Variants in IGSF11 observed in about 807,000 individuals in gnomAD.
The protein encoded by IGSF11 is CXADR like 1.
Under a neutral mutation model 41.0 loss-of-function variants are expected in IGSF11, and 22 were observed. That is an observed-to-expected ratio of 0.54 (90% CI 0.38 to 0.77). The LOEUF (loss-of-function observed/expected upper bound fraction) is 0.77. Ranked by LOEUF, IGSF11 falls within the 30% of genes least tolerant of loss-of-function variation. The pLI, the probability that IGSF11 is intolerant of heterozygous loss-of-function variation, is 0.00. For synonymous variants in IGSF11, 219 were observed against 201.3 expected (o/e 1.09, Z -0.74); for missense variants, 444 against 530.8 (o/e 0.84, Z 1.61).
upstream of IGSF11, among the ~76,000 whole-genome samples, chr3:119,036,344 G>A (rs972566640): frequency 6.6e-6 from 1 of 152,074 alleles, no homozygotes; most frequent in South Asian, 2.1e-4. Flanking sequence ...AAACTCCAGG[G>A]TAAGGACTAG....
intron 1 of IGSF11, among the ~76,000 whole-genome samples, chr3:118,996,821 G>A (rs1254432711): frequency 2.0e-5 from 3 of 151,890 alleles, no homozygotes; most frequent in South Asian, 2.1e-4. Context: ...GGGTGATCTC[G>A]ATCTCCTGAC....
intron 1 of IGSF11, among the ~76,000 whole-genome samples, chr3:119,082,211 A>G (rs774566476): frequency 3.3e-5 from 5 of 152,230 alleles, no homozygotes; most frequent in Non-Finnish European, 7.3e-5. Flanking sequence ...AATCAATACA[A>G]TAAGTTATAA....
At chr3:119,139,650 T>C (rs931672489) in intron 1 of IGSF11, among the ~76,000 whole-genome samples, 1 of 152,208 alleles carries the variant, frequency 6.6e-6, no homozygotes, top group African/African-American at 2.4e-5. Flanking sequence ...TAAACCTCTT[T>C]ATTTTGTAAA....
chr3:119,051,476 A>G (rs933370567), intron 1 of IGSF11, among the ~76,000 whole-genome samples: 4 of 152,192 alleles, frequency 2.6e-5, no homozygotes, highest in African/African-American at 4.8e-5. Flanking sequence ...CAAATTTATA[A>G]AACAATTACT....
chr3:118,956,696 C>T (rs766593452), intron 1 of IGSF11, among the ~76,000 whole-genome samples: 3 of 152,040 alleles, frequency 2.0e-5, no homozygotes, highest in Non-Finnish European at 4.4e-5. Context: ...TGCTACAAAG[C>T]TGCAGAGTTA....
At chr3:118,905,791 C>T (rs1436178414) in intron 4 of IGSF11, 73 bp from the exon 5 acceptor site, 6 of 1,546,872 alleles carry the variant, frequency 3.9e-6, no homozygotes, top group Non-Finnish European at 4.4e-6. Flanking sequence ...AGCGGAAGAC[C>T]ATAAAAACAG....
At chr3:119,065,291 G>A (rs2903298) in intron 1 of IGSF11, among the ~76,000 whole-genome samples, 133,514 of 152,272 alleles carry the variant, frequency 0.88, 58,700 homozygotes, top group African/African-American at 0.95. Context: ...TTTTCTTGAT[G>A]ATATATAGAT....
intron 1 of IGSF11, among the ~76,000 whole-genome samples, chr3:119,140,417 A>T (rs2077627984): frequency 6.6e-6 from 1 of 152,220 alleles, no homozygotes; most frequent in Non-Finnish European, 1.5e-5. Flanking sequence ...TATCAGGTAT[A>T]TATAATGATT....
At chr3:119,017,322 C>T (rs529142797) in intron 1 of IGSF11, among the ~76,000 whole-genome samples, 14 of 152,318 alleles carry the variant, frequency 9.2e-5, no homozygotes, top group Middle Eastern at 3.4e-3. Flanking sequence ...GGAGCATCTA[C>T]ACTACAAACC....
At chr3:119,059,543 C>T (rs1390994486) in intron 1 of IGSF11, among the ~76,000 whole-genome samples, 3 of 151,972 alleles carry the variant, frequency 2.0e-5, no homozygotes, top group Non-Finnish European at 2.9e-5. Flanking sequence ...CACGTGTTCC[C>T]CAAAAACTAC....
chr3:119,122,757 C>T (rs567312781), intron 1 of IGSF11, among the ~76,000 whole-genome samples: 147 of 152,302 alleles, frequency 9.7e-4, no homozygotes, highest in African/African-American at 3.2e-3. Context: ...TCTAGACATA[C>T]CCTAGGCCAG....
In IGSF11 at chr3:118,940,856, AG is replaced by A. The variant is rs1275380538; in HGVS notation, c.53-10582del. Among the ~76,000 whole-genome samples the A allele has an allele frequency of 4.0e-5, 6 of 150,208 alleles. No individual in the cohort carries two copies. In the South Asian group the frequency reaches 6.6e-4, roughly 16 times the overall value. On this transcript the variant is annotated intron_variant, in intron 1 of 6. Coordinates refer to ENST00000393775, the MANE Select transcript of IGSF11 (RefSeq NM_001015887.3). ...GTTGTCAAAGCCATTCAGGGGGAAA[AG>A]TTTACTCTTTTTGAAAAACTGCACT...
At chr3:118,972,955 G>A (rs1933616276) in intron 1 of IGSF11, among the ~76,000 whole-genome samples, 1 of 152,316 alleles carries the variant, frequency 6.6e-6, no homozygotes, top group African/African-American at 2.4e-5. Context: ...AAAGATGCAT[G>A]TACTGTGAAG....
intron 1 of IGSF11, among the ~76,000 whole-genome samples, chr3:119,072,712 G>A (rs1019504795): frequency 5.9e-5 from 9 of 152,190 alleles, no homozygotes; most frequent in East Asian, 3.9e-4. Flanking sequence ...AGACCTTTGC[G>A]GTGAGTGTTA....
chr3:119,017,005 G>C (rs1380847125), intron 1 of IGSF11, among the ~76,000 whole-genome samples: 1 of 138,482 alleles, frequency 7.2e-6, no homozygotes, highest in Non-Finnish European at 1.5e-5. Context: ...ACAGATATGG[G>C]CTAAAGCATG....
At chr3:119,007,418 C>A (rs1041465071) in intron 1 of IGSF11, among the ~76,000 whole-genome samples, 1 of 151,396 alleles carries the variant, frequency 6.6e-6, no homozygotes, top group Non-Finnish European at 1.5e-5. Flanking sequence ...AGAAATCACC[C>A]GTCTTCTGCG....
intron 1 of IGSF11, among the ~76,000 whole-genome samples, chr3:118,935,375 T>TACACAC (rs551306391): frequency 0.027 from 3,024 of 113,480 alleles, 120 homozygotes; most frequent in African/African-American, 0.1. Context: ...CTGAGATATA[T>TACACAC]ACACACACAC....
chr3:118,905,741 G>A (rs773754274), intron 4 of IGSF11, 23 bp from the exon 5 acceptor site: 6 of 1,612,946 alleles, frequency 3.7e-6, no homozygotes, highest in Middle Eastern at 3.3e-4. Context: ...TAATAACCGA[G>A]TGAGGATTTG....
At chr3:118,911,958 T>C (rs916135968) in intron 4 of IGSF11, among the ~76,000 whole-genome samples, 2 of 152,180 alleles carry the variant, frequency 1.3e-5, no homozygotes, top group Non-Finnish European at 1.5e-5. Context: ...GCACGAGAGA[T>C]AATCATCTCT....
Sources: gnomAD v4.1 joint callset for allele counts (sites outside exome capture counted in the v4.1 genomes callset) on GRCh38, gnomAD v4.1.1 for gene constraint, MANE v1.5 for transcripts, NCBI Gene and HGNC (gene_info 2026-07-23, HGNC 2026-07-21) for gene names.